Variants in CLEC2B observed in about 807,000 individuals in gnomAD.
The protein encoded by CLEC2B is C-type lectin domain family 2 member B, also known as C-type (calcium dependent, carbohydrate-recognition domain) lectin, superfamily member 2 (activation-induced).
In CLEC2B, 14 loss-of-function variants were observed where a neutral mutation model predicts 16.2. The ratio of observed to expected loss-of-function variants is 0.86; its 90% CI spans 0.57 to 1.35. CLEC2B has a LOEUF of 1.35. CLEC2B is among the 40% of genes most tolerant of loss of function. The pLI is 0.00. For synonymous variants in CLEC2B, 42 were observed against 55.8 expected (o/e 0.75, Z 1.10); for missense variants, 166 against 182.3 (o/e 0.91, Z 0.52).
chr12:9,862,901 C>T (rs941157840), intron 1 of CLEC2B, among the ~76,000 whole-genome samples: 9 of 152,148 alleles, frequency 5.9e-5, no homozygotes, highest in African/African-American at 2.2e-4. Flanking sequence ...GGATAACCAG[C>T]TTCCCCACCA....
chr12:9,857,720 T>A, intron 2 of CLEC2B, 83 bp from the exon 3 acceptor site: 1 of 1,089,310 alleles, frequency 9.2e-7, no homozygotes, highest in Non-Finnish European at 1.3e-6. Context: ...CACAGGTTTT[T>A]GATGTAAAAG....
intron 1 of CLEC2B, among the ~76,000 whole-genome samples, chr12:9,863,242 G>T (rs559663819): frequency 2.0e-5 from 3 of 152,138 alleles, no homozygotes; most frequent in African/African-American, 7.2e-5. Flanking sequence ...CTGGGTTAAG[G>T]CACCATGTAG....
chr12:9,864,060 G>C (rs913459986), intron 1 of CLEC2B, among the ~76,000 whole-genome samples: 1 of 150,544 alleles, frequency 6.6e-6, no homozygotes, highest in Admixed American at 6.6e-5. Context: ...AGCAAGAGAA[G>C]AGAAGCAAAT....
intron 2 of CLEC2B, among the ~76,000 whole-genome samples, chr12:9,859,356 G>A (rs749091182): frequency 6.6e-6 from 1 of 151,800 alleles, no homozygotes; most frequent in Non-Finnish European, 1.5e-5. Flanking sequence ...GATGACTTTT[G>A]TTGAATACTC....
intron 1 of CLEC2B, among the ~76,000 whole-genome samples, chr12:9,866,150 T>C (rs549459611): frequency 3.3e-5 from 5 of 152,218 alleles, no homozygotes; most frequent in Non-Finnish European, 7.4e-5. Context: ...TGTTAAAAAA[T>C]CAAGCTCTTT....
rs1867896893 is a variant in CLEC2B, at chr12:9,856,866, C to G, written c.237+608G>C. On this transcript the variant is annotated intron_variant, in intron 3 of 4. Transcript: ENST00000228438. ...AAAGTTCTTGGAGAGCCTCTTTACT[C>G]ATAGAGATTTTGTCATGTAAATCAA... 3 of 152,022 alleles carry G rather than the reference C, an allele frequency of 2.0e-5. No homozygotes were observed. In the South Asian group the frequency reaches 6.2e-4, roughly 31 times the overall value. The allele number at this position is 152,022 out of a possible 1,614,324, so 9.4% of individuals were successfully genotyped here. A position where few individuals can be genotyped will look rare whatever the true frequency, so the allele number is the denominator to read the frequency against.
chr12:9,854,433 T>C lies in CLEC2B; in HGVS notation c.289A>G (p.Met97Val), dbSNP rs1163768854. 2 of 1,613,686 alleles carry C rather than the reference T, an allele frequency of 1.2e-6. No individual in the cohort carries two copies. The highest frequency in any genetic ancestry group is 2.7e-5 in the African/African-American group (2 of 74,914). The part of the protein sequence containing the change: ...CSSDHWIGLK[M>V]AKNRTGQWVD... Reference sequence around the variant, plus strand: ...CATTGTCCTGTTCGATTTTTTGCCATCTTCAGTCCAATCCAGTGATCAGAA... The same window carrying C: ...CATTGTCCTGTTCGATTTTTTGCCACCTTCAGTCCAATCCAGTGATCAGAA... Residue 97 changes from methionine (M) to valine (V), a missense_variant, in exon 4 of 5, where the codon ATG becomes GTG. Transcript: ENST00000228438.
Position 9,869,353 on chromosome 12 carries a change from C to A in CLEC2B, c.-151G>T, listed in dbSNP as rs761198201. 2.0e-5 allele frequency: 3 copies of A among 152,020 alleles called. No homozygotes were observed. The East Asian group carries it at 5.8e-4, about 29-fold the overall frequency. 9.4% of individuals were successfully genotyped at this position (152,020 alleles called of 1,614,324 possible). ...AGCACAGCTCCAAACTAGAGGTATA[C>A]CACTTTTGAAGAGTAACTCAAAGTA... On this transcript the variant is annotated 5_prime_UTR_variant, in exon 1 of 5. Coordinates refer to ENST00000228438, the MANE Select transcript of CLEC2B (RefSeq NM_005127.3).
intron 3 of CLEC2B, 58 bp downstream of exon 3, chr12:9,857,416 A>C: frequency 7.7e-7 from 1 of 1,297,974 alleles, no homozygotes; most frequent in South Asian, 1.3e-5. Context: ...TGGTGTTTGA[A>C]TATTTCTAAT....
chr12:9,865,186 A>ATC (rs1344789350), intron 1 of CLEC2B, among the ~76,000 whole-genome samples: 5 of 149,322 alleles, frequency 3.3e-5, no homozygotes, highest in African/African-American at 9.8e-5. Flanking sequence ...CTCTCAAAAA[A>ATC]AAAAAAAAAA....
At chr12:9,856,000 G>A (rs1490431357) in intron 3 of CLEC2B, among the ~76,000 whole-genome samples, 2 of 151,838 alleles carry the variant, frequency 1.3e-5, no homozygotes, top group Non-Finnish European at 2.9e-5. Context: ...GTCATCCATG[G>A]TCTTCAAAAT....
intron 1 of CLEC2B, among the ~76,000 whole-genome samples, chr12:9,865,403 A>G (rs1867964054): frequency 6.6e-6 from 1 of 152,148 alleles, no homozygotes. Context: ...TTAAAAGACT[A>G]CTTTAAAAAG....
rs558371928 is a variant in CLEC2B, at chr12:9,867,216, A to G, written c.-3+1989T>C. 3 of 152,292 alleles carry G rather than the reference A, an allele frequency of 2.0e-5. No homozygotes were observed. The South Asian group carries it at 6.2e-4, about 32-fold the overall frequency. The allele number at this position is 152,292 out of a possible 1,614,324, so 9.4% of individuals were successfully genotyped here. Reference sequence around the variant, plus strand: ...TGTCTTATACAACCTGGGAAACTTCATATAACCTTGGAAGAAATCTCTCAC... The same window carrying G: ...TGTCTTATACAACCTGGGAAACTTCGTATAACCTTGGAAGAAATCTCTCAC... On this transcript the variant is annotated intron_variant, in intron 1 of 4. Transcript: ENST00000228438.
At position 9,853,107 on chromosome 12, in the gene CLEC2B, G is replaced by GA. The variant is rs1323059334; in HGVS notation, c.*192dup. 2 of 487,538 alleles carry GA rather than the reference G, an allele frequency of 4.1e-6. No individual in the cohort carries two copies. The highest frequency in any genetic ancestry group is 3.4e-5 in the Admixed American group (1 of 29,432). 30.2% of individuals were successfully genotyped at this position (487,538 alleles called of 1,614,324 possible). A position where few individuals can be genotyped will look rare whatever the true frequency, so the allele number is the denominator to read the frequency against. ...AAAGAGAGAGAGAGAAAGAAAGAAA[G>GA]AAAAAAACTCAGCAGAATACCTGTA... On this transcript the variant is annotated 3_prime_UTR_variant, in exon 5 of 5. Coordinates refer to ENST00000228438, the MANE Select transcript of CLEC2B (RefSeq NM_005127.3).
At position 9,853,079 on chromosome 12, in the gene CLEC2B, AAGAAAGAG is replaced by A; in HGVS notation, c.*213_*220del. ...AAAAAAAGAAAGAAAGAAAGAAAGAAAGAAAGAGAGAGAGAGAAAGAAAGAAAGAAAAA... is the reference window on the plus strand; with the variant it reads ...AAAAAAAGAAAGAAAGAAAGAAAGAAAGAGAGAGAAAGAAAGAAAGAAAAA... On this transcript the variant is annotated 3_prime_UTR_variant, in exon 5 of 5. Coordinates refer to ENST00000228438, the MANE Select transcript of CLEC2B (RefSeq NM_005127.3). The A allele has an allele frequency of 2.4e-6, 1 of 421,184 alleles. No homozygotes were observed. The highest frequency in any genetic ancestry group is 4.3e-6 in the Non-Finnish European group (1 of 232,544). The allele number at this position is 421,184 out of a possible 1,614,324, so 26.1% of individuals were successfully genotyped here.
rs920142428 is a variant in CLEC2B, at chr12:9,857,625, C to G, written c.86G>C (p.Arg29Pro). 6.2e-7 allele frequency: 1 copy of G among 1,608,302 alleles called. No homozygotes were observed. The highest frequency in any genetic ancestry group is 8.5e-7 in the Non-Finnish European group (1 of 1,175,632). The change falls in exon 3 of 5, where the codon CGA (arginine) becomes CCA (proline). Residue 29 changes from arginine to proline, a missense_variant. Arg to Pro is a moderately radical substitution (Grantham distance 103). Coordinates refer to ENST00000228438, the MANE Select transcript of CLEC2B (RefSeq NM_005127.3). Reference protein sequence around the residue: ...NIITLIVKLTRDSQSLCPYDW... With the variant: ...NIITLIVKLTPDSQSLCPYDW... Reference sequence around the variant, plus strand: ...ATAGGGGCATAAACTCTGAGAATCTCGAGTTAGTTTAACTGGAAATGAGAC... The same window carrying G: ...ATAGGGGCATAAACTCTGAGAATCTGGAGTTAGTTTAACTGGAAATGAGAC...
At chr12:9,853,809 C>A (rs1447284421) in intron 4 of CLEC2B, among the ~76,000 whole-genome samples, 1 of 152,046 alleles carries the variant, frequency 6.6e-6, no homozygotes, top group Non-Finnish European at 1.5e-5. Flanking sequence ...AAGAAAAGTG[C>A]CCCTTTTCCA....
At chr12:9,855,026 T>C (rs1349452001) in intron 3 of CLEC2B, among the ~76,000 whole-genome samples, 1 of 152,160 alleles carries the variant, frequency 6.6e-6, no homozygotes, top group Non-Finnish European at 1.5e-5. Flanking sequence ...CATTCAGAAA[T>C]AAATACAATG....
chr12:9,853,189 A>T lies in CLEC2B; in HGVS notation c.*111T>A. On this transcript the variant is annotated 3_prime_UTR_variant, in exon 5 of 5. Transcript: ENST00000228438. The stretch of plus-strand genomic sequence containing the variant: ...TATGTGTAGCCTGACACGTAAGCAG[A>T]ATTAACCAGACAGGTACAAAACTCG... 6 of 832,182 alleles carry T rather than the reference A, an allele frequency of 7.2e-6. No homozygotes were observed. The highest frequency in any genetic ancestry group is 2.6e-4 in the Middle Eastern group (1 of 3,820). The allele number at this position is 832,182 out of a possible 1,614,324, so 51.5% of individuals were successfully genotyped here.
Sources: gnomAD v4.1 joint callset for allele counts (sites outside exome capture counted in the v4.1 genomes callset) on GRCh38, gnomAD v4.1.1 for gene constraint, MANE v1.5 for transcripts, NCBI Gene and HGNC (gene_info 2026-07-23, HGNC 2026-07-21) for gene names.